The following DAB1 variants were observed in gnomAD, a reference collection of about 807,000 sequenced individuals.
The protein encoded by DAB1 is disabled homolog 1.
A neutral mutation model predicts 64.6 loss-of-function variants in DAB1; 15 were observed. The ratio of observed to expected loss-of-function variants is 0.23; its 90% CI spans 0.16 to 0.36. The LOEUF is 0.36. Among genes scored for constraint, DAB1 ranks in the 10% least tolerant of loss-of-function variants. DAB1 has a pLI of 1.00. For synonymous variants in DAB1, 235 were observed against 251.9 expected (o/e 0.93, Z 0.64); for missense variants, 596 against 706.7 (o/e 0.84, Z 1.78).
At chr1:57,366,173 C>T (rs1486064382) in intron 1 of DAB1, among the ~76,000 whole-genome samples, 1 of 152,184 alleles carries the variant, frequency 6.6e-6, no homozygotes, top group African/African-American at 2.4e-5. Flanking sequence ...AATGGCATTA[C>T]TCCATATCAT....
chr1:57,206,086 T>C (rs1665512603), intron 2 of DAB1, among the ~76,000 whole-genome samples: 1 of 152,240 alleles, frequency 6.6e-6, no homozygotes, highest in Non-Finnish European at 1.5e-5. Flanking sequence ...TATTTAGTGC[T>C]GAGGGTGCTG....
At chr1:58,361,986 T>C (rs1197701544) in intron 3 of DAB1, among the ~76,000 whole-genome samples, 4 of 147,710 alleles carry the variant, frequency 2.7e-5, no homozygotes, top group Non-Finnish European at 4.5e-5. Context: ...TACCTCGGCC[T>C]CCCAAGTAGC....
intron 7 of DAB1, among the ~76,000 whole-genome samples, chr1:57,467,953 A>G (rs900026757): frequency 6.6e-6 from 1 of 152,210 alleles, no homozygotes; most frequent in African/African-American, 2.4e-5. Context: ...TATTGAGCTC[A>G]GAACATAGAG....
chr1:57,955,120 C>G (rs1172199332), intron 5 of DAB1, among the ~76,000 whole-genome samples: 1 of 152,128 alleles, frequency 6.6e-6, no homozygotes, highest in Non-Finnish European at 1.5e-5. Flanking sequence ...ATTCTTCATT[C>G]TCTCTACTTT....
chr1:57,226,517 G>C (rs1281906116), intron 2 of DAB1, among the ~76,000 whole-genome samples: 2 of 151,838 alleles, frequency 1.3e-5, no homozygotes, highest in African/African-American at 2.4e-5. Context: ...ATGCTTCTCA[G>C]CCCCTCCACC....
rs137917891 is a variant in DAB1 at position 58,167,229 on chromosome 1, A to T, written n.310-16641T>A. ...GAAAACTTTTGTGTCTAGCTAAAGG[A>T]TTGTAAATGCACCAATCAGCACTCT... is the stretch of plus-strand genomic sequence containing the variant. On this transcript the variant is annotated intron_variant and non_coding_transcript_variant, in intron 4 of 20. Transcript: ENST00000485760. Among the ~76,000 whole-genome samples, 20 of 152,316 alleles carry T rather than the reference A, an allele frequency of 1.3e-4. No homozygotes were observed. The East Asian group carries it at 3.9e-3, about 29-fold the overall frequency.
intron 4 of DAB1, among the ~76,000 whole-genome samples, chr1:57,084,868 C>T (rs916290334): frequency 1.3e-4 from 20 of 152,296 alleles, no homozygotes; most frequent in Middle Eastern, 6.8e-3. Flanking sequence ...CACCACCAAA[C>T]CACTGAGGTG....
chr1:57,290,334 G>A (rs1394752734), intron 2 of DAB1, among the ~76,000 whole-genome samples: 3 of 152,116 alleles, frequency 2.0e-5, no homozygotes, highest in Admixed American at 6.5e-5. Context: ...CTCTGGACCA[G>A]CAAGACTGGC....
At chr1:58,215,401 GTTT>G (rs57757954) in intron 4 of DAB1, among the ~76,000 whole-genome samples, 7,141 of 145,656 alleles carry the variant, frequency 0.049, 196 homozygotes, top group Admixed American at 0.079. Context: ...CCATGATAGT[GTTT>G]TTTTTTTTTT....
chr1:57,147,114 A>G (rs1041321262), intron 2 of DAB1, among the ~76,000 whole-genome samples: 2 of 150,358 alleles, frequency 1.3e-5, no homozygotes, highest in African/African-American at 4.9e-5. Flanking sequence ...CACTGCAGCC[A>G]CGACCTCCCA....
At chr1:57,280,635 G>C (rs1465528606) in intron 2 of DAB1, among the ~76,000 whole-genome samples, 1 of 152,158 alleles carries the variant, frequency 6.6e-6, no homozygotes, top group Non-Finnish European at 1.5e-5. Flanking sequence ...ATGAAGCAGT[G>C]GGATGAACTA....
At chr1:58,372,471 C>A (rs376459624) in intron 3 of DAB1, among the ~76,000 whole-genome samples, 2 of 152,122 alleles carry the variant, frequency 1.3e-5, no homozygotes, top group African/African-American at 4.8e-5. Flanking sequence ...TGCCTTGTCT[C>A]AGATGAGGCT....
intron 5 of DAB1, among the ~76,000 whole-genome samples, chr1:58,103,139 A>T (rs532660789): frequency 8.5e-5 from 13 of 152,346 alleles, no homozygotes; most frequent in Non-Finnish European, 1.3e-4. Flanking sequence ...ATACGTGGTA[A>T]TGCACCTCTA....
chr1:57,885,235 T>C (rs1318443043), upstream of DAB1, among the ~76,000 whole-genome samples: 2 of 152,228 alleles, frequency 1.3e-5, no homozygotes, highest in African/African-American at 4.8e-5. Context: ...ATCCATTTAT[T>C]CCTAACAGCA....
chr1:57,287,777 C>CTTTT (rs200446943), intron 2 of DAB1, among the ~76,000 whole-genome samples: 1 of 63,894 alleles, frequency 1.6e-5, no homozygotes, highest in East Asian at 4.5e-4. Flanking sequence ...TTTTCTCTCT[C>CTTTT]TTTTATTTAT....
intron 3 of DAB1, among the ~76,000 whole-genome samples, chr1:58,428,172 C>A (rs1387227351): frequency 2.0e-5 from 3 of 152,194 alleles, no homozygotes; most frequent in East Asian, 3.8e-4. Flanking sequence ...ATTTTGTTAA[C>A]CCCTGATGAA....
chr1:58,172,577 C>T (rs569924644), intron 4 of DAB1, among the ~76,000 whole-genome samples: 1 of 152,292 alleles, frequency 6.6e-6, no homozygotes, highest in Admixed American at 6.5e-5. Context: ...GGATGGGGAA[C>T]CAATTGAGCA....
chr1:57,851,871 C>T (rs1257508765), intron 1 of DAB1, among the ~76,000 whole-genome samples: 1 of 152,136 alleles, frequency 6.6e-6, no homozygotes, highest in Non-Finnish European at 1.5e-5. Flanking sequence ...GCATTTTGCC[C>T]TGTCATTCAC....
chr1:58,029,832 T>G (rs1646945770), intron 5 of DAB1, among the ~76,000 whole-genome samples: 1 of 152,168 alleles, frequency 6.6e-6, no homozygotes. Flanking sequence ...AAAAATTATT[T>G]TAAATAATGT....
Sources: gnomAD v4.1 joint callset for allele counts (sites outside exome capture counted in the v4.1 genomes callset) on GRCh38, gnomAD v4.1.1 for gene constraint, MANE v1.5 for transcripts, NCBI Gene and HGNC (gene_info 2026-07-23, HGNC 2026-07-21) for gene names.